LIMS2: variants seen among roughly 807,000 people sequenced by gnomAD.
LIMS2 encodes LIM zinc finger domain containing 2.
Under a neutral mutation model 45.3 loss-of-function variants are expected in LIMS2, and 30 were observed. That is an observed-to-expected ratio of 0.66 (90% CI 0.50 to 0.90). LIMS2 has a LOEUF of 0.90. Ranked by LOEUF, LIMS2 falls within the 40% of genes least tolerant of loss-of-function variation. LIMS2 has a pLI of 0.00. For missense variants in LIMS2, 485 were observed against 468.7 expected (o/e 1.03, Z -0.32); for synonymous variants, 173 against 188.0 (o/e 0.92, Z 0.65).
At chr2:127,641,718 G>A (rs986646677) in intron 6 of LIMS2, 2 of 259,932 alleles carry the variant, frequency 7.7e-6, no homozygotes, top group Admixed American at 5.3e-5. Context: ...CATGCAGCGG[G>A]TTCTGTCATC....
In LIMS2 at chr2:127,638,855, G is replaced by A; in HGVS notation, c.*426C>T. ...GTGGCTCCAGCAGGCTGCCCTGGCTGTGGGTAGCCCAGGAGCCACATGCGC... is the reference window on the plus strand; with the variant it reads ...GTGGCTCCAGCAGGCTGCCCTGGCTATGGGTAGCCCAGGAGCCACATGCGC... On this transcript the variant is annotated 3_prime_UTR_variant, in exon 10 of 10. Transcript: ENST00000355119. 1 of 174,582 alleles carries A rather than the reference G, an allele frequency of 5.7e-6. No homozygotes were observed. The highest frequency in any genetic ancestry group is 1.2e-5 in the Non-Finnish European group (1 of 81,740). 10.8% of individuals were successfully genotyped at this position (174,582 alleles called of 1,614,324 possible).
intron 1 of LIMS2, among the ~76,000 whole-genome samples, chr2:127,666,222 G>A (rs1684991624): frequency 6.6e-6 from 1 of 152,064 alleles, no homozygotes; most frequent in South Asian, 2.1e-4. Context: ...TCAGCAGAAA[G>A]TGGTGGAGTA....
Position 127,664,222 on chromosome 2 carries a change from T to C in LIMS2, c.12-6660A>G, listed in dbSNP as rs1684864272. On this transcript the variant is annotated intron_variant, in intron 1 of 9. Coordinates refer to ENST00000355119, the MANE Select transcript of LIMS2 (RefSeq NM_001161403.3). This position sits in a 1 kb window ranked among gnomAD's most constrained non-coding sequence, Gnocchi z 5.5. The stretch of plus-strand genomic sequence containing the variant: ...AGCCCACGGCGTCGGAGGGCCCCGG[T>C]CGGGTTTCCGAGGGAAGGCCTGCCC... 1 of 1,129,336 alleles carries C rather than the reference T, an allele frequency of 8.9e-7. No individual in the cohort carries two copies. 70.0% of individuals were successfully genotyped at this position (1,129,336 alleles called of 1,614,324 possible).
rs900988265 is a variant in LIMS2 at position 127,657,625 on chromosome 2, G to A, written c.12-63C>T. The A allele has an allele frequency of 1.6e-4, 232 of 1,487,662 alleles. 1 individual carries two copies. The highest frequency in any genetic ancestry group is 2.3e-4 in the Middle Eastern group (1 of 4,268). The allele number at this position is 1,487,662 out of a possible 1,614,324, so 92.2% of individuals were successfully genotyped here. A position where few individuals can be genotyped will look rare whatever the true frequency, so the allele number is the denominator to read the frequency against. On this transcript the variant is annotated intron_variant, in intron 1 of 9. Coordinates refer to ENST00000355119, the MANE Select transcript of LIMS2 (RefSeq NM_001161403.3). ...TCAGGGGTGCAGATGGGGCACACGCGGGGGCCTGCGCCCGACAGACACACC... is the reference window on the plus strand; with the variant it reads ...TCAGGGGTGCAGATGGGGCACACGCAGGGGCCTGCGCCCGACAGACACACC...
chr2:127,661,432 C>A (rs543065762), intron 1 of LIMS2, among the ~76,000 whole-genome samples: 1 of 152,358 alleles, frequency 6.6e-6, no homozygotes, highest in Admixed American at 6.5e-5. Context: ...ATGGCTCAGC[C>A]TAGGGGAAGG....
At chr2:127,678,218 G>A (rs1573857793), upstream of LIMS2, among the ~76,000 whole-genome samples, 1 of 152,172 alleles carries the variant, frequency 6.6e-6, no homozygotes, top group Non-Finnish European at 1.5e-5. The surrounding 1 kb of genome is among the most constrained non-coding windows in gnomAD (Gnocchi z 5.3). Context: ...CGGGGAGGCT[G>A]AGGAGGGAGG....
upstream of LIMS2, among the ~76,000 whole-genome samples, chr2:127,675,777 G>T (rs1211992230): frequency 6.6e-6 from 1 of 152,176 alleles, no homozygotes; most frequent in Non-Finnish European, 1.5e-5. Flanking sequence ...CCCTCCCGAG[G>T]CACCCGGGAC....
chr2:127,665,976 G>A (rs538537150), intron 1 of LIMS2, among the ~76,000 whole-genome samples: 4 of 152,220 alleles, frequency 2.6e-5, no homozygotes, highest in Non-Finnish European at 5.9e-5. Context: ...CTATAAAAGC[G>A]GACATCGAAG....
chr2:127,648,332 G>A (rs1050508961), intron 4 of LIMS2: 1 of 367,050 alleles, frequency 2.7e-6, no homozygotes, highest in African/African-American at 2.2e-5. Flanking sequence ...AATATTATTA[G>A]GTAGTTGCCC....
At chr2:127,668,932 A>T (rs1685159947) in intron 1 of LIMS2, among the ~76,000 whole-genome samples, 1 of 151,872 alleles carries the variant, frequency 6.6e-6, no homozygotes, top group Non-Finnish European at 1.5e-5. Context: ...TCTCTACAAA[A>T]AATACAGAAA....
chr2:127,639,054 GCTCCCA>G lies in LIMS2; in HGVS notation c.*221_*226del. ...ATGGCTGTCAGACGTGGGGTCATAG[GCTCCCA>G]CTCCCCAGCTCCTGCCTCCTCACAG... On this transcript the variant is annotated 3_prime_UTR_variant, in exon 10 of 10. Transcript: ENST00000355119. 1 of 558,052 alleles carries G rather than the reference GCTCCCA, an allele frequency of 1.8e-6. No individual in the cohort carries two copies. Among genetic ancestry groups the G allele is most frequent in the Non-Finnish European group, 3.2e-6 (1 of 314,974 alleles). 34.6% of individuals were successfully genotyped at this position (558,052 alleles called of 1,614,324 possible). A position where few individuals can be genotyped will look rare whatever the true frequency, so the allele number is the denominator to read the frequency against.
rs1682571336 is a variant in LIMS2 at position 127,642,844 on chromosome 2, G to T, written c.509+79C>A. ...CTCTCCCTCCTCAACACTTCCCCAGGTGGAGGCCCCACCGCCCTTACCCTG... is the reference window on the plus strand; with the variant it reads ...CTCTCCCTCCTCAACACTTCCCCAGTTGGAGGCCCCACCGCCCTTACCCTG... On this transcript the variant is annotated intron_variant, in intron 5 of 9. Coordinates refer to ENST00000355119, the MANE Select transcript of LIMS2 (RefSeq NM_001161403.3). This position sits in a 1 kb window ranked among gnomAD's most constrained non-coding sequence, Gnocchi z 5.3. 1 of 1,463,250 alleles carries T rather than the reference G, an allele frequency of 6.8e-7. No individual in the cohort carries two copies. The allele number at this position is 1,463,250 out of a possible 1,614,324, so 90.6% of individuals were successfully genotyped here.
chr2:127,654,708 G>A (rs554279452), intron 3 of LIMS2, 122 bp downstream of exon 3: 4 of 1,462,740 alleles, frequency 2.7e-6, no homozygotes, highest in African/African-American at 1.4e-5. Context: ...GCCGCTCAGA[G>A]AGGCAAGGTG....
intron 4 of LIMS2, among the ~76,000 whole-genome samples, chr2:127,649,088 AAAG>A (rs1331182276): frequency 1.4e-5 from 2 of 146,384 alleles, no homozygotes; most frequent in African/African-American, 2.5e-5. Flanking sequence ...GAAAAGAAAA[AAAG>A]AAAAAAGAAA....
intron 2 of LIMS2, 52 bp downstream of exon 2, chr2:127,657,351 T>C: frequency 6.2e-6 from 10 of 1,608,064 alleles, no homozygotes; most frequent in South Asian, 1.1e-5. Flanking sequence ...CACCCGCTCA[T>C]AGAGGGCAGA....
At position 127,642,125 on chromosome 2, in the gene LIMS2, A is replaced by T. The variant is rs774061121; in HGVS notation, c.584T>A (p.Val195Asp). The change falls in exon 6 of 10, where the codon GTC becomes GAC. Residue 195 changes from valine to aspartate, a missense_variant. Val to Asp is a radical substitution (Grantham distance 152, BLOSUM62 -3). Transcript: ENST00000355119. This position sits in a 1 kb window ranked among gnomAD's most constrained non-coding sequence, Gnocchi z 5.3. ...CCGGCGGCAGGCCCCGCAGATGGGG[A>T]CGCCCATCTTGTCATGGCAGGGCAG... The part of the protein sequence containing the change: ...YCLPCHDKMG[V>D]PICGACRRPI... 6.2e-6 allele frequency: 10 copies of T among 1,607,016 alleles called. No individual in the cohort carries two copies. The highest frequency in any genetic ancestry group is 8.5e-6 in the Non-Finnish European group (10 of 1,176,624).
At chr2:127,646,180 C>T (rs1290655170) in intron 4 of LIMS2, 1 of 152,378 alleles carries the variant, frequency 6.6e-6, no homozygotes, top group African/African-American at 2.4e-5. Context: ...CACCGACACC[C>T]ACGGGCGGAG....
chr2:127,640,196 C>G (rs545182124), intron 8 of LIMS2, 51 bp from the exon 9 acceptor site: 3 of 1,611,876 alleles, frequency 1.9e-6, no homozygotes, highest in Non-Finnish European at 2.5e-6. Flanking sequence ...GCCGCAGGCC[C>G]GGCTGGGCTC....
upstream of LIMS2, among the ~76,000 whole-genome samples, chr2:127,675,894 C>T (rs1025698048): frequency 6.6e-6 from 1 of 152,252 alleles, no homozygotes; most frequent in African/African-American, 2.4e-5. Context: ...TCCCCCGTTG[C>T]GGGCCATCGC....
Sources: gnomAD v4.1 joint callset for allele counts (sites outside exome capture counted in the v4.1 genomes callset) on GRCh38, gnomAD v4.1.1 for gene constraint, Gnocchi (gnomAD v3.1) non-coding constraint, MANE v1.5 for transcripts, NCBI Gene and HGNC (gene_info 2026-07-23, HGNC 2026-07-21) for gene names.